COL4A2: variants seen among roughly 807,000 people sequenced by gnomAD.
COL4A2 encodes collagen alpha-2(IV) chain.
A neutral mutation model predicts 200.2 loss-of-function variants in COL4A2; 99 were observed. The observed-to-expected ratio is 0.49, with a 90% CI of 0.42 to 0.58. The LOEUF is 0.58. Among genes scored for constraint, COL4A2 ranks in the 20% least tolerant of loss-of-function variants. The pLI, the probability that COL4A2 is intolerant of heterozygous loss-of-function variation, is 0.00. For synonymous variants in COL4A2, 897 were observed against 900.6 expected (o/e 1.00, Z 0.07); for missense variants, 1,950 against 2,314.1 (o/e 0.84, Z 3.23).
chr13:110,350,537 T>C (rs1272821988), intron 3 of COL4A2, among the ~76,000 whole-genome samples: 1 of 152,194 alleles, frequency 6.6e-6, no homozygotes, highest in East Asian at 1.9e-4. Flanking sequence ...AGGACAGACA[T>C]GCCAGGCACC....
intron 4 of COL4A2, among the ~76,000 whole-genome samples, chr13:110,370,502 A>G (rs184284652): frequency 1.3e-5 from 2 of 152,236 alleles, no homozygotes; most frequent in African/African-American, 4.8e-5. Context: ...TGGTCCGCCC[A>G]CCTTGGCCTC....
chr13:110,489,409 T>C (rs1364840928), intron 34 of COL4A2, 36 bp from the exon 35 acceptor site: 5 of 1,608,022 alleles, frequency 3.1e-6, no homozygotes, highest in Non-Finnish European at 3.4e-6. Context: ...CTGACTTCGC[T>C]AACAGCCTTC....
chr13:110,508,125 C>T lies in COL4A2; in HGVS notation c.4785C>T (p.Ala1595=), dbSNP rs762674907. 5.0e-6 allele frequency: 8 copies of T among 1,614,134 alleles called. No homozygotes were observed. In the African/African-American group the frequency reaches 8.0e-5, roughly 16 times the overall value. ...PYISRCSVCE[A]PAIAIAVHSQ... ...TCAGCCGCTGTTCTGTGTGTGAGGCCCCGGCCATCGCCATCGCGGTCCACA... is the reference window on the plus strand; with the variant it reads ...TCAGCCGCTGTTCTGTGTGTGAGGCTCCGGCCATCGCCATCGCGGTCCACA... The change falls in exon 47 of 48, where the codon GCC becomes GCT. Residue 1595 remains alanine, a synonymous_variant. Coordinates refer to ENST00000360467, the MANE Select transcript of COL4A2 (RefSeq NM_001846.4). This position sits in a 1 kb window ranked among gnomAD's most constrained non-coding sequence, Gnocchi z 6.1.
chr13:110,413,181 A>G (rs181486546), intron 4 of COL4A2, among the ~76,000 whole-genome samples: 1 of 152,326 alleles, frequency 6.6e-6, no homozygotes, highest in East Asian at 1.9e-4. Flanking sequence ...TGGTCTAAAA[A>G]TAGAAGATTC....
intron 3 of COL4A2, among the ~76,000 whole-genome samples, chr13:110,331,853 C>T (rs1346349966): frequency 2.0e-5 from 3 of 152,158 alleles, no homozygotes; most frequent in African/African-American, 7.2e-5. Context: ...TGTTGGGTGT[C>T]ATTTTCCATA....
chr13:110,422,378 G>A (rs1257985195), intron 4 of COL4A2, among the ~76,000 whole-genome samples: 2 of 151,594 alleles, frequency 1.3e-5, no homozygotes, highest in South Asian at 2.1e-4. Flanking sequence ...GATATCGTGC[G>A]TCCAGGGCCA....
At chr13:110,385,490 GGCCGTGGTT>G (rs1566504953) in intron 4 of COL4A2, among the ~76,000 whole-genome samples, 1 of 143,580 alleles carries the variant, frequency 7.0e-6, no homozygotes, top group Non-Finnish European at 1.6e-5. Flanking sequence ...TGTGTGGATA[GGCCGTGGTT>G]ACAGTGTGTG....
chr13:110,489,808 C>A, intron 36 of COL4A2, 23 bp downstream of exon 36: 1 of 1,595,430 alleles, frequency 6.3e-7, no homozygotes, highest in Non-Finnish European at 8.5e-7. Flanking sequence ...TTTTCCTTGT[C>A]TTCATCTTCA....
intron 3 of COL4A2, among the ~76,000 whole-genome samples, chr13:110,314,946 C>T (rs79961757): frequency 0.035 from 5,316 of 152,266 alleles, 332 homozygotes; most frequent in African/African-American, 0.12. Context: ...ATTCAGAGTC[C>T]CAGCCTCTCA....
At chr13:110,468,443 C>T (rs1328421985) in intron 27 of COL4A2, 4 of 403,464 alleles carry the variant, frequency 9.9e-6, no homozygotes, top group African/African-American at 8.3e-5. Flanking sequence ...CACACCCAGA[C>T]TACAGCCGTG....
Position 110,505,167 on chromosome 13 carries a change from G to T in COL4A2, c.4402+903G>T, listed in dbSNP as rs191454257. On this transcript the variant is annotated intron_variant, in intron 45 of 47. Coordinates refer to ENST00000360467, the MANE Select transcript of COL4A2 (RefSeq NM_001846.4). ...AGATCGAGACCATCCTGGCTAACAC[G>T]GTGAAACCCCGTCTCTACTAAAAAT... 1.1e-3 allele frequency among the ~76,000 whole-genome samples: 160 copies of T among 151,510 alleles called. 3 individuals are homozygous for T. The East Asian group carries it at 0.024, about 22-fold the overall frequency.
At chr13:110,347,024 C>T (rs558628865) in intron 3 of COL4A2, among the ~76,000 whole-genome samples, 2 of 152,338 alleles carry the variant, frequency 1.3e-5, no homozygotes, top group East Asian at 1.9e-4. Context: ...CTGCCTTCCT[C>T]GCTGGTGAGA....
Position 110,307,987 on chromosome 13 carries a change from C to A in COL4A2, c.44+40C>A. The A allele has an allele frequency of 6.2e-7, 1 of 1,611,992 alleles. No individual in the cohort carries two copies. Among genetic ancestry groups the A allele is most frequent in the Non-Finnish European group, 8.5e-7 (1 of 1,179,054 alleles). ...GCCTGGTCCCCGTGGGTCACGCGCG[C>A]ATGGACCCTTCGGTGTAACTCTCGG... On this transcript the variant is annotated intron_variant, in intron 2 of 47. Transcript: ENST00000360467. This position sits in a 1 kb window ranked among gnomAD's most constrained non-coding sequence, Gnocchi z 5.0.
intron 32 of COL4A2, among the ~76,000 whole-genome samples, chr13:110,484,209 G>A (rs553830750): frequency 6.6e-6 from 1 of 152,220 alleles, no homozygotes; most frequent in South Asian, 2.1e-4. Flanking sequence ...TCCACTGGTG[G>A]GCACGCTCTG....
At chr13:110,491,724 C>G (rs1883291115) in intron 37 of COL4A2, among the ~76,000 whole-genome samples, 1 of 152,194 alleles carries the variant, frequency 6.6e-6, no homozygotes, top group South Asian at 2.1e-4. Flanking sequence ...GTTGCTGCTG[C>G]TGCTTTCTGT....
At position 110,473,177 on chromosome 13, in the gene COL4A2, G is replaced by A. The variant is rs566552032; in HGVS notation, c.2425+27G>A. The A allele has an allele frequency of 1.4e-5, 21 of 1,547,000 alleles. No homozygotes were observed. The South Asian group carries it at 1.6e-4, about 11-fold the overall frequency. On this transcript the variant is annotated intron_variant, in intron 29 of 47. Transcript: ENST00000360467. ...TGAGTGCCCCATCGGGGAGCCGGGG[G>A]CCCCATCCCAGATGCACAGTGGCCT...
intron 22 of COL4A2, chr13:110,459,634 A>G (rs1881940114): frequency 6.6e-6 from 1 of 152,190 alleles, no homozygotes. Context: ...TATAATGAAG[A>G]TGTTCTGAAA....
intron 17 of COL4A2, among the ~76,000 whole-genome samples, chr13:110,446,439 T>C (rs1353608471): frequency 6.6e-6 from 1 of 152,178 alleles, no homozygotes; most frequent in Non-Finnish European, 1.5e-5. Context: ...ACGGGGGTCC[T>C]GCGGCCGCAT....
chr13:110,377,674 T>A (rs576529074), intron 4 of COL4A2, among the ~76,000 whole-genome samples: 3 of 152,234 alleles, frequency 2.0e-5, no homozygotes, highest in African/African-American at 4.8e-5. Context: ...CCCGCCTTCA[T>A]ATTTTTGGCT....
Sources: allele counts gnomAD v4.1 joint callset (sites outside exome capture counted in the v4.1 genomes callset), GRCh38; gene constraint gnomAD v4.1.1; non-coding constraint Gnocchi (gnomAD v3.1); transcripts MANE v1.5; gene names NCBI Gene and HGNC (gene_info 2026-07-23, HGNC 2026-07-21).